Variants in ADGRL3 observed in about 807,000 individuals in gnomAD.
The protein encoded by ADGRL3 is calcium-independent alpha-latrotoxin receptor 3.
Under a neutral mutation model 153.5 loss-of-function variants are expected in ADGRL3, and 62 were observed. The ratio of observed to expected loss-of-function variants is 0.40; its 90% CI spans 0.33 to 0.50. The LOEUF (loss-of-function observed/expected upper bound fraction) is 0.50. Among genes scored for constraint, ADGRL3 ranks in the 20% least tolerant of loss-of-function variants. The pLI, the probability that ADGRL3 is intolerant of heterozygous loss-of-function variation, is 0.47. For missense variants in ADGRL3, 1,641 were observed against 1,859.4 expected (o/e 0.88, Z 2.16); for synonymous variants, 710 against 672.5 (o/e 1.06, Z -0.86).
chr4:61,431,499 CCAA>C (rs2097355462), intron 2 of ADGRL3, among the ~76,000 whole-genome samples: 1 of 152,190 alleles, frequency 6.6e-6, no homozygotes, highest in African/African-American at 2.4e-5. Flanking sequence ...ATTACCACCT[CCAA>C]CAAGTTCCCT....
At chr4:61,816,541 T>C (rs1341096248) in intron 9 of ADGRL3, among the ~76,000 whole-genome samples, 2 of 152,072 alleles carry the variant, frequency 1.3e-5, no homozygotes, top group African/African-American at 2.4e-5. Context: ...CAAAGGACCA[T>C]GAATATAAGA....
intron 5 of ADGRL3, among the ~76,000 whole-genome samples, chr4:61,649,717 T>C (rs995707490): frequency 6.6e-6 from 1 of 152,128 alleles, no homozygotes; most frequent in African/African-American, 2.4e-5. Context: ...TTATAGGTAG[T>C]AAAATAAGTG....
At chr4:61,390,134 T>C in intron 2 of ADGRL3, among the ~76,000 whole-genome samples, 1 of 152,212 alleles carries the variant, frequency 6.6e-6, no homozygotes, top group Non-Finnish European at 1.5e-5. Context: ...AATGACTAAT[T>C]TTAAAATTTA....
At chr4:61,229,363 A>G (rs544434365) in intron 1 of ADGRL3, among the ~76,000 whole-genome samples, 1 of 152,348 alleles carries the variant, frequency 6.6e-6, no homozygotes, top group East Asian at 1.9e-4. Context: ...ATAATTATTA[A>G]TAAGTCAATG....
At chr4:61,436,109 GA>G (rs1394206013) in intron 2 of ADGRL3, among the ~76,000 whole-genome samples, 30 of 152,086 alleles carry the variant, frequency 2.0e-4, no homozygotes, top group African/African-American at 7.2e-4. Flanking sequence ...ATGTAATACA[GA>G]GTTCCTTTTG....
chr4:61,558,972 G>C (rs1304791329), intron 4 of ADGRL3, among the ~76,000 whole-genome samples: 1 of 151,824 alleles, frequency 6.6e-6, no homozygotes, highest in Non-Finnish European at 1.5e-5. Context: ...TAATACTTCA[G>C]TTATCATAAA....
At chr4:62,068,140 T>A (rs1280052939) in intron 25 of ADGRL3, 26 bp from the exon 26 acceptor site, 2 of 1,542,152 alleles carry the variant, frequency 1.3e-6, no homozygotes, top group Admixed American at 3.9e-5. Context: ...TGTTTTTTCT[T>A]TCCTTTTCTT....
intron 8 of ADGRL3, among the ~76,000 whole-genome samples, chr4:61,738,508 T>C (rs960930573): frequency 2.0e-5 from 3 of 152,192 alleles, no homozygotes; most frequent in Non-Finnish European, 4.4e-5. Context: ...CTGTTTTCCA[T>C]AGTGGCTGTA....
intron 6 of ADGRL3, among the ~76,000 whole-genome samples, chr4:61,723,956 T>C (rs2096283151): frequency 6.6e-6 from 1 of 152,202 alleles, no homozygotes; most frequent in African/African-American, 2.4e-5. Context: ...GATTCACAGA[T>C]TGACTCTTCA....
chr4:61,478,635 A>G (rs977696144), intron 2 of ADGRL3, among the ~76,000 whole-genome samples: 1 of 151,850 alleles, frequency 6.6e-6, no homozygotes, highest in Non-Finnish European at 1.5e-5. Flanking sequence ...CCAATATAGA[A>G]CTCTTTGACT....
At chr4:61,857,569 G>A (rs1474723157) in intron 9 of ADGRL3, among the ~76,000 whole-genome samples, 1 of 151,810 alleles carries the variant, frequency 6.6e-6, no homozygotes, top group Non-Finnish European at 1.5e-5. Flanking sequence ...TTTGGAGGGG[G>A]TCTAAGATTA....
Position 61,972,700 on chromosome 4 carries a change from C to A in ADGRL3, c.2806-6863C>A, listed in dbSNP as rs570250959. ...TTTTTTCCAATTCTGTGAAGAAAGT[C>A]ATTGGTAGCTTGATGGGGATGGCAT... On this transcript the variant is annotated intron_variant, in intron 17 of 26. Coordinates refer to ENST00000683033, the MANE Select transcript of ADGRL3 (RefSeq NM_001387552.1). Among the ~76,000 whole-genome samples, 8 of 152,146 alleles carry A rather than the reference C, an allele frequency of 5.3e-5. No homozygotes were observed. In the South Asian group the frequency reaches 1.7e-3, roughly 32 times the overall value.
At chr4:61,617,133 A>G (rs2092090540) in intron 5 of ADGRL3, among the ~76,000 whole-genome samples, 2 of 152,148 alleles carry the variant, frequency 1.3e-5, no homozygotes, top group African/African-American at 4.8e-5. Context: ...GGATTGATTA[A>G]CTCTGATTCC....
intron 2 of ADGRL3, among the ~76,000 whole-genome samples, chr4:61,493,112 T>G (rs2152791261): frequency 1.3e-5 from 2 of 152,324 alleles, no homozygotes; most frequent in Middle Eastern, 3.4e-3. Context: ...TGGTGATATA[T>G]ATTTCTGTAG....
chr4:61,451,560 C>T (rs1238265152), intron 2 of ADGRL3, among the ~76,000 whole-genome samples: 3 of 152,052 alleles, frequency 2.0e-5, no homozygotes, highest in Admixed American at 6.6e-5. Flanking sequence ...AGTCAACATA[C>T]AAGGCAAAGA....
intron 1 of ADGRL3, among the ~76,000 whole-genome samples, chr4:61,341,029 G>A (rs933811084): frequency 6.6e-6 from 1 of 151,856 alleles, no homozygotes; most frequent in Non-Finnish European, 1.5e-5. Flanking sequence ...TCAGTATTGT[G>A]ATAGTCTAAT....
At chr4:61,844,546 C>CAAAAAAAAAAAAA (rs71604517) in intron 9 of ADGRL3, among the ~76,000 whole-genome samples, 2 of 17,546 alleles carry the variant, frequency 1.1e-4, no homozygotes, top group African/African-American at 6.3e-4. Flanking sequence ...GACTGCATCT[C>CAAAAAAAAAAAAA]AAAAAAAAAA....
intron 5 of ADGRL3, among the ~76,000 whole-genome samples, chr4:61,614,905 G>C: frequency 6.6e-6 from 1 of 152,042 alleles, no homozygotes; most frequent in South Asian, 2.1e-4. Context: ...TTTTTTGCTC[G>C]TTGCTTTATG....
At position 61,366,276 on chromosome 4, in the gene ADGRL3, C is replaced by G. The variant is rs371857190; in HGVS notation, c.-239-16848C>G. Among the ~76,000 whole-genome samples the G allele has an allele frequency of 1.3e-4, 20 of 152,210 alleles. 1 individual carries two copies. The highest frequency in any genetic ancestry group is 4.8e-4 in the African/African-American group (20 of 41,546). ...ATGATTTTATGGAACATTTAAGTGGCAGTAATTTGGCTGGCTTTACCATCA... is the reference window on the plus strand; with the variant it reads ...ATGATTTTATGGAACATTTAAGTGGGAGTAATTTGGCTGGCTTTACCATCA... On this transcript the variant is annotated intron_variant, in intron 1 of 26. Coordinates refer to ENST00000683033, the MANE Select transcript of ADGRL3 (RefSeq NM_001387552.1).
Sources: allele counts gnomAD v4.1 joint callset (sites outside exome capture counted in the v4.1 genomes callset), GRCh38; gene constraint gnomAD v4.1.1; transcripts MANE v1.5; gene names NCBI Gene and HGNC (gene_info 2026-07-23, HGNC 2026-07-21).